The following MYO9A variants were observed in gnomAD, a reference collection of about 807,000 sequenced individuals.
The protein encoded by MYO9A is myosin IXA.
MYO9A carries 103 observed loss-of-function variants against 293.3 expected under a neutral mutation model. The ratio of observed to expected loss-of-function variants is 0.35; its 90% confidence interval spans 0.30 to 0.41. The LOEUF is 0.41. MYO9A is among the 10% of genes least tolerant of loss of function. MYO9A has a pLI of 1.00. For synonymous variants in MYO9A, 1,001 were observed against 1,035.7 expected, an observed-to-expected ratio of 0.97 and a Z score of 0.64; for missense variants, 2,685 against 3,033.0, an observed-to-expected ratio of 0.89 and a Z score of 2.69.
rs57300333 is a variant in MYO9A, at chr15:71,867,798, T to TCACACACACACACACACACACACACA, written c.5980-5213_5980-5188dup. 1.1e-3 allele frequency among the ~76,000 whole-genome samples: 137 copies of TCACACACACACACACACACACACACA among 127,626 alleles called. 4 individuals carry two copies. Among genetic ancestry groups the TCACACACACACACACACACACACACA allele is most frequent in the African/African-American group, 3.8e-3 (129 of 33,698 alleles). 83.7% of individuals were successfully genotyped at this position (127,626 alleles called of 152,430 possible). A position where few individuals can be genotyped will look rare whatever the true frequency, so the allele number is the denominator to read the frequency against. ...CACTAATTTCAATTCTGGGAATCCATCACACACACACACACACACACACAC... is the reference window on the plus strand; with the variant it reads ...CACTAATTTCAATTCTGGGAATCCATCACACACACACACACACACACACACACACACACACACACACACACACACAC... On this transcript the variant is annotated intron_variant, in intron 32 of 41. Transcript: ENST00000356056.
intron 20 of MYO9A, 133 bp from the exon 21 acceptor site, chr15:71,904,172 G>GTA: frequency 1.5e-6 from 1 of 684,956 alleles, no homozygotes; most frequent in Non-Finnish European, 2.5e-6. Flanking sequence ...CAGTAACTAA[G>GTA]TATATTAAGG....
chr15:71,964,568 T>G (rs1596294070), intron 13 of MYO9A, among the ~76,000 whole-genome samples: 3 of 138,916 alleles, frequency 2.2e-5, no homozygotes, highest in Non-Finnish European at 3.0e-5. Flanking sequence ...GATCACGAGG[T>G]GAAGAAATTG....
chr15:72,042,911 A>T (rs559527035), intron 2 of MYO9A, among the ~76,000 whole-genome samples: 1 of 150,896 alleles, frequency 6.6e-6, no homozygotes, highest in East Asian at 1.9e-4. Context: ...ACTAAAAATT[A>T]AAAAAAAACA....
chr15:71,956,853 AC>A (rs1567315981), intron 14 of MYO9A, among the ~76,000 whole-genome samples: 8 of 89,638 alleles, frequency 8.9e-5, no homozygotes, highest in South Asian at 3.8e-4. Flanking sequence ...ACACACACAC[AC>A]ACACAAATAT....
At chr15:71,894,279 T>TA (rs1331153137) in intron 25 of MYO9A, among the ~76,000 whole-genome samples, 2 of 152,162 alleles carry the variant, frequency 1.3e-5, no homozygotes, top group East Asian at 3.9e-4. Context: ...CTTTGAGTTT[T>TA]AAAACTTGAC....
rs182550614 is a variant in MYO9A, at chr15:72,104,211, A to G, written c.-72+13469T>C. 5.9e-5 allele frequency among the ~76,000 whole-genome samples: 9 copies of G among 152,334 alleles called. No homozygotes were observed. In the East Asian group the frequency reaches 1.2e-3, roughly 20 times the overall value. ...AAACAACTGATCCTCAATAGTATATACTGTGTTGCCAGATGATTCTGTCCA... is the reference window on the plus strand; with the variant it reads ...AAACAACTGATCCTCAATAGTATATGCTGTGTTGCCAGATGATTCTGTCCA... On this transcript the variant is annotated intron_variant, in intron 1 of 41. Transcript: ENST00000356056.
At chr15:72,117,096 A>C (rs192368663) in intron 1 of MYO9A, 11 of 152,442 alleles carry the variant, frequency 7.2e-5, no homozygotes, top group African/African-American at 2.6e-4. Context: ...GAGAGAGGCT[A>C]CAGTCGGTGG....
intron 2 of MYO9A, chr15:72,045,435 T>G (rs2078356251): frequency 5.1e-6 from 1 of 196,428 alleles, no homozygotes; most frequent in Non-Finnish European, 1.0e-5. Flanking sequence ...GGCTAATTTT[T>G]TTTGTATTTT....
At chr15:72,019,800 A>T (rs2077448907) in intron 5 of MYO9A, among the ~76,000 whole-genome samples, 1 of 152,108 alleles carries the variant, frequency 6.6e-6, no homozygotes, top group Admixed American at 6.5e-5. Flanking sequence ...CCCAGGCTGG[A>T]GTGCGGTGGC....
Position 71,867,798 on chromosome 15 carries a change from T to TCACACACACACACACACA in MYO9A, c.5980-5205_5980-5188dup, listed in dbSNP as rs57300333. Among the ~76,000 whole-genome samples, 345 of 127,610 alleles carry TCACACACACACACACACA rather than the reference T, an allele frequency of 2.7e-3. 8 individuals are homozygous for TCACACACACACACACACA. The highest frequency in any genetic ancestry group is 9.7e-3 in the African/African-American group (326 of 33,682). The allele number at this position is 127,610 out of a possible 152,430, so 83.7% of individuals were successfully genotyped here. A position where few individuals can be genotyped will look rare whatever the true frequency, so the allele number is the denominator to read the frequency against. ...CACTAATTTCAATTCTGGGAATCCA[T>TCACACACACACACACACA]CACACACACACACACACACACACAC... On this transcript the variant is annotated intron_variant, in intron 32 of 41. Transcript: ENST00000356056.
intron 22 of MYO9A, among the ~76,000 whole-genome samples, chr15:71,902,194 C>G (rs1433319972): frequency 6.6e-6 from 1 of 151,690 alleles, no homozygotes; most frequent in African/African-American, 2.4e-5. Flanking sequence ...CAGGAGACAA[C>G]GGGACAATTA....
chr15:71,882,849 G>T (rs1384490611), intron 28 of MYO9A, among the ~76,000 whole-genome samples: 3 of 151,952 alleles, frequency 2.0e-5, no homozygotes, highest in Non-Finnish European at 4.4e-5. Context: ...CTTTCCCCCA[G>T]GCTGAAGTGC....
chr15:72,032,456 T>C (rs1227625844), intron 3 of MYO9A, 38 bp downstream of exon 3: 26 of 1,310,216 alleles, frequency 2.0e-5, no homozygotes, highest in Non-Finnish European at 2.5e-5. Context: ...AATTAAAACA[T>C]GCTCCAAAGC....
intron 6 of MYO9A, among the ~76,000 whole-genome samples, chr15:72,011,729 A>G (rs2077180253): frequency 1.3e-5 from 2 of 152,224 alleles, no homozygotes; most frequent in African/African-American, 4.8e-5. Flanking sequence ...AGTGAGTCAT[A>G]AATCTCTTTA....
chr15:71,941,693 A>G (rs939649620), intron 15 of MYO9A, among the ~76,000 whole-genome samples: 1 of 152,206 alleles, frequency 6.6e-6, no homozygotes, highest in African/African-American at 2.4e-5. Context: ...GAAAATTAAT[A>G]TAAATCATAT....
intron 1 of MYO9A, among the ~76,000 whole-genome samples, chr15:72,054,213 C>T (rs1203730202): frequency 6.6e-6 from 1 of 151,948 alleles, no homozygotes; most frequent in East Asian, 1.9e-4. Context: ...TTTTTTAGCC[C>T]TTCCATACTA....
chr15:71,888,059 G>C lies in MYO9A; in HGVS notation c.5200C>G (p.Gln1734Glu). The C allele has an allele frequency of 1.2e-6, 2 of 1,611,360 alleles. No homozygotes were observed. The highest frequency in any genetic ancestry group is 1.7e-6 in the Non-Finnish European group (2 of 1,178,512). ...ACTGCCAACTTGGTAATCTCTCCTT[G>C]AGACATAGTCTTATGAAGTTTTGCT... ...EQAKLHKTMS[Q>E]GEITKLAVRQ... The change falls in exon 27 of 42, where the codon CAA becomes GAA. Residue 1734 changes from glutamine (Q) to glutamate (E), a missense_variant. By Grantham distance (29) the Gln-to-Glu change is conservative. Around this residue, in one of 10 missense-constraint regions of MYO9A, gnomAD observed 1,434 missense variants for 1,497.7 expected, o/e 0.96. Transcript: ENST00000356056.
At chr15:71,834,622 C>T (rs1595990307) in intron 39 of MYO9A, among the ~76,000 whole-genome samples, 4 of 150,930 alleles carry the variant, frequency 2.7e-5, no homozygotes. Flanking sequence ...AAAAAAAATA[C>T]AAAAATTAGC....
At chr15:72,071,874 G>A (rs772441884) in intron 1 of MYO9A, among the ~76,000 whole-genome samples, 1 of 152,034 alleles carries the variant, frequency 6.6e-6, no homozygotes, top group Non-Finnish European at 1.5e-5. Flanking sequence ...CCACTACTGA[G>A]TATCTACCCA....
Sources: gnomAD v4.1 joint callset for allele counts (sites outside exome capture counted in the v4.1 genomes callset) on GRCh38, gnomAD v4.1.1 for gene constraint, gnomAD v4.1.1 regional missense constraint, MANE v1.5 for transcripts, NCBI Gene and HGNC (gene_info 2026-07-23, HGNC 2026-07-21) for gene names.